Variants in NR4A3 observed in about 807,000 individuals in gnomAD.
NR4A3 encodes nuclear receptor subfamily 4 group A member 3, also known as chondrosarcoma, extraskeletal myxoid, fused to EWS.
In NR4A3, 13 loss-of-function variants were observed where a neutral mutation model predicts 55.6. The observed-to-expected ratio is 0.23, with a 90% CI of 0.15 to 0.37. The LOEUF is 0.37. Among genes scored for constraint, NR4A3 ranks in the 10% least tolerant of loss-of-function variants. The probability of loss-of-function intolerance (pLI) is 1.00; values close to 1 mark genes in which losing one functional copy is unlikely to be tolerated. For missense variants in NR4A3, 646 were observed against 822.8 expected (o/e 0.79, Z 2.63); for synonymous variants, 342 against 357.9 (o/e 0.96, Z 0.50).
intron 5 of NR4A3, chr9:99,833,932 T>C: frequency 1.7e-6 from 2 of 1,188,076 alleles, no homozygotes; most frequent in Non-Finnish European, 2.1e-6. Flanking sequence ...GAGCTCTGGC[T>C]GTGACATCAG....
chr9:99,839,710 A>G (rs1376492500), intron 5 of NR4A3, among the ~76,000 whole-genome samples: 1 of 152,264 alleles, frequency 6.6e-6, no homozygotes, highest in Admixed American at 6.5e-5. Flanking sequence ...TGAGAAAGCC[A>G]GAGTTCTGAC....
intron 1 of NR4A3, among the ~76,000 whole-genome samples, chr9:99,824,955 C>T (rs930520034): frequency 4.6e-5 from 7 of 152,336 alleles, no homozygotes; most frequent in Admixed American, 1.3e-4. Context: ...GGGGACCTGC[C>T]TCCGCTCGTC....
At chr9:99,831,578 C>A (rs140450754) in intron 3 of NR4A3, among the ~76,000 whole-genome samples, 21 of 152,268 alleles carry the variant, frequency 1.4e-4, no homozygotes, top group African/African-American at 4.1e-4. Context: ...GATGTTTGAA[C>A]ACAAAATAGA....
Position 99,828,883 on chromosome 9 carries a change from C to A in NR4A3, c.841C>A (p.Pro281Thr). 1 of 1,506,812 alleles carries A rather than the reference C, an allele frequency of 6.6e-7. No homozygotes were observed. Among genetic ancestry groups the A allele is most frequent in the Non-Finnish European group, 8.8e-7 (1 of 1,132,210 alleles). 93.3% of individuals were successfully genotyped at this position (1,506,812 alleles called of 1,614,324 possible). Residue 281 changes from proline to threonine, a missense_variant, in exon 3 of 8, where the codon CCC becomes ACC. By Grantham distance (38) the Pro-to-Thr change is conservative. Transcript: ENST00000395097. The surrounding 1 kb of genome is among the most constrained non-coding windows in gnomAD (Gnocchi z 7.7). ...CGAGAGTCCCAGCCTGCCGTCGCCG[C>A]CCAGCAGGAGCTCGTCGTCTGGCGA... The part of the protein sequence containing the change: ...LGESPSLPSP[P>T]SRSSSSGEGT...
chr9:99,834,711 G>A, intron 5 of NR4A3: 2 of 766,694 alleles, frequency 2.6e-6, no homozygotes, highest in South Asian at 5.9e-5. Context: ...AGTGTTGATA[G>A]AAATGATTAG....
At chr9:99,843,097 C>T (rs1029432667) in intron 5 of NR4A3, among the ~76,000 whole-genome samples, 6 of 152,136 alleles carry the variant, frequency 3.9e-5, no homozygotes, top group South Asian at 4.1e-4. Flanking sequence ...GTCTTTACTC[C>T]GGTGATTCAA....
intron 7 of NR4A3, among the ~76,000 whole-genome samples, chr9:99,859,391 T>C (rs1231721444): frequency 6.6e-6 from 1 of 152,230 alleles, no homozygotes; most frequent in African/African-American, 2.4e-5. Flanking sequence ...AGACACTTAG[T>C]GACTCCCTAG....
At chr9:99,831,904 T>C (rs1383775053) in intron 3 of NR4A3, among the ~76,000 whole-genome samples, 1 of 152,236 alleles carries the variant, frequency 6.6e-6, no homozygotes, top group Admixed American at 6.5e-5. Context: ...ACAATATGGT[T>C]ACTGTGTCTA....
chr9:99,846,046 T>A (rs2118114428), intron 6 of NR4A3, among the ~76,000 whole-genome samples: 1 of 152,320 alleles, frequency 6.6e-6, no homozygotes, highest in South Asian at 2.1e-4. Context: ...TTTCTCCCAG[T>A]GCCTGGCTCC....
intron 7 of NR4A3, among the ~76,000 whole-genome samples, chr9:99,853,374 T>G (rs1262972640): frequency 7.6e-6 from 1 of 131,034 alleles, no homozygotes. Context: ...CATGTGCACA[T>G]TGTGCAGGTT....
Position 99,863,647 on chromosome 9 carries a change from G to T in NR4A3, c.1661G>T (p.Arg554Ile). 6.2e-7 allele frequency: 1 copy of T among 1,613,904 alleles called. No individual in the cohort carries two copies. The highest frequency in any genetic ancestry group is 8.5e-7 in the Non-Finnish European group (1 of 1,179,920). ...TERHGLKEPK[R>I]VEELCNKITS... ...AGACATGGGTTAAAAGAACCAAAGA[G>T]AGTCGAAGAGCTATGCAACAAGATC... Residue 554 changes from arginine (R) to isoleucine (I), a missense_variant, in exon 8 of 8, where the codon AGA (arginine) becomes ATA (isoleucine). Physicochemically the swap from Arg to Ile is moderately conservative, Grantham distance 97. Coordinates refer to ENST00000395097, the MANE Select transcript of NR4A3 (RefSeq NM_006981.4).
chr9:99,850,298 A>G (rs570885441), intron 7 of NR4A3, among the ~76,000 whole-genome samples: 1 of 152,324 alleles, frequency 6.6e-6, no homozygotes, highest in African/African-American at 2.4e-5. Flanking sequence ...TCTAAGAGGA[A>G]AAAGGCCAGT....
intron 5 of NR4A3, chr9:99,834,136 T>TGTTATAGTTATA (rs1827506977): frequency 2.6e-6 from 2 of 763,064 alleles, no homozygotes; most frequent in Admixed American, 1.2e-4. Context: ...CGATTGGTGT[T>TGTTATAGTTATA]GTTATAGTTA....
rs201201454 is a variant in NR4A3, at chr9:99,864,179, GA to G, written c.*320del. On this transcript the variant is annotated 3_prime_UTR_variant, in exon 8 of 8. Transcript: ENST00000395097. ...CTTTTGGACAATGCTATCCCAGCAG[GA>G]AAAAAAAGGATAATATAACTGTTTT... is the stretch of plus-strand genomic sequence containing the variant. The G allele has an allele frequency of 6.8e-5, 20 of 295,412 alleles. No individual in the cohort carries two copies. The highest frequency in any genetic ancestry group is 1.2e-4 in the Non-Finnish European group (19 of 156,490). The allele number at this position is 295,412 out of a possible 1,614,324, so 18.3% of individuals were successfully genotyped here.
Position 99,828,685 on chromosome 9 carries a change from C to G in NR4A3, c.643C>G (p.Pro215Ala). Residue 215 changes from proline (P) to alanine (A), a missense_variant, in exon 3 of 8, where the codon CCG becomes GCG. By Grantham distance (27) the Pro-to-Ala change is conservative (BLOSUM62 -1). Around this residue, in one of 5 missense-constraint regions of NR4A3, gnomAD observed 426 missense variants for 429.4 expected, o/e 0.99. Transcript: ENST00000395097. The surrounding 1 kb of genome is among the most constrained non-coding windows in gnomAD (Gnocchi z 7.7). ...PAGGHHLGYD[P>A]TAAAALSLPL... ...CGGCGGCCACCACCTCGGCTACGAC[C>G]CGACGGCCGCTGCCGCGCTCAGCCT... 1 of 1,359,792 alleles carries G rather than the reference C, an allele frequency of 7.4e-7. No homozygotes were observed. Among genetic ancestry groups the G allele is most frequent in the Non-Finnish European group, 9.4e-7 (1 of 1,064,382 alleles). The allele number at this position is 1,359,792 out of a possible 1,614,324, so 84.2% of individuals were successfully genotyped here. A position where few individuals can be genotyped will look rare whatever the true frequency, so the allele number is the denominator to read the frequency against.
At chr9:99,862,345 A>G (rs1246523898) in intron 7 of NR4A3, among the ~76,000 whole-genome samples, 1 of 151,740 alleles carries the variant, frequency 6.6e-6, no homozygotes, top group Non-Finnish European at 1.5e-5. Flanking sequence ...GGAGTTCGAG[A>G]CCATCCTGGC....
In NR4A3 at chr9:99,828,333, T is replaced by TCAC. The variant is rs753648433; in HGVS notation, c.318_320dup (p.His108dup). 4,078 of 1,605,034 alleles carry TCAC rather than the reference T, an allele frequency of 2.5e-3. 4 individuals carry two copies. The highest frequency in any genetic ancestry group is 3.0e-3 in the Non-Finnish European group (3,543 of 1,176,446). On this transcript the variant is annotated inframe_insertion, in exon 3 of 8. Coordinates refer to ENST00000395097, the MANE Select transcript of NR4A3 (RefSeq NM_006981.4). This position sits in a 1 kb window ranked among gnomAD's most constrained non-coding sequence, Gnocchi z 7.7. ...GGCGGGCGCCCAGCTACCATCACCATCACCACCACCACCACCACCACCACC... is the reference window on the plus strand; with the variant it reads ...GGCGGGCGCCCAGCTACCATCACCATCACCACCACCACCACCACCACCACCACC...
At chr9:99,847,989 C>T (rs991320349) in intron 7 of NR4A3, among the ~76,000 whole-genome samples, 5 of 152,292 alleles carry the variant, frequency 3.3e-5, no homozygotes, top group Admixed American at 6.5e-5. Context: ...AGTGTAGCCT[C>T]GACCACCTGG....
intron 1 of NR4A3, among the ~76,000 whole-genome samples, chr9:99,824,166 G>T (rs1225185997): frequency 6.6e-6 from 1 of 152,212 alleles, no homozygotes; most frequent in Non-Finnish European, 1.5e-5. Context: ...CCGGCCGCTT[G>T]TGGGGTGGAG....
Sources: allele counts gnomAD v4.1 joint callset (sites outside exome capture counted in the v4.1 genomes callset), GRCh38; gene constraint gnomAD v4.1.1; regional missense constraint gnomAD v4.1.1; non-coding constraint Gnocchi (gnomAD v3.1); transcripts MANE v1.5; gene names NCBI Gene and HGNC (gene_info 2026-07-23, HGNC 2026-07-21).